TRPV4: variants seen among roughly 807,000 people sequenced by gnomAD.
The protein encoded by TRPV4 is transient receptor potential cation channel subfamily V member 4.
Under a neutral mutation model 84.1 loss-of-function variants are expected in TRPV4, and 58 were observed. That is an observed-to-expected ratio of 0.69 (90% CI 0.56 to 0.86). TRPV4 has a LOEUF of 0.86. Among genes scored for constraint, TRPV4 ranks in the 40% least tolerant of loss-of-function variants. The pLI is 0.00. For missense variants in TRPV4, 879 were observed against 1,181.1 expected, an observed-to-expected ratio of 0.74 and a Z score of 3.75; for synonymous variants, 489 against 500.9, an observed-to-expected ratio of 0.98 and a Z score of 0.32.
chr12:109,798,069 T>C lies in TRPV4; in HGVS notation c.1152+545A>G, dbSNP rs1374106132. On this transcript the variant is annotated intron_variant, in intron 6 of 15. Transcript: ENST00000261740. The surrounding 1 kb of genome is among the most constrained non-coding windows in gnomAD (Gnocchi z 5.0). ...TGCCCCCCAGAGGACAATTCAGCAA[T>C]GTTCTGGAGATATTTTTGGTGGTCA... 6.6e-6 allele frequency among the ~76,000 whole-genome samples: 1 copy of C among 152,144 alleles called. No homozygotes were observed. The highest frequency in any genetic ancestry group is 1.5e-5 in the Non-Finnish European group (1 of 68,024).
At chr12:109,828,671 G>A (rs1315031697) in intron 1 of TRPV4, among the ~76,000 whole-genome samples, 1 of 152,208 alleles carries the variant, frequency 6.6e-6, no homozygotes, top group East Asian at 1.9e-4. Context: ...AGGTGGGTGA[G>A]CCTAGCGTAG....
rs369811541 is a variant in TRPV4, at chr12:109,798,650, C to T, written c.1116G>A (p.Ser372=). 27 of 1,612,658 alleles carry T rather than the reference C, an allele frequency of 1.7e-5. No homozygotes were observed. The African/African-American group carries it at 2.8e-4, about 17-fold the overall frequency. ...CCGTCTTGGCAGCCATCATGAGGGG[C>T]GAGAGGCCGTCGTTGTTGAGCACGG... ...LEAVLNNDGL[S]PLMMAAKTGK... The change falls in exon 6 of 16, where the codon TCG becomes TCA. Residue 372 remains serine (S), a synonymous_variant. Transcript: ENST00000261740. This position sits in a 1 kb window ranked among gnomAD's most constrained non-coding sequence, Gnocchi z 5.0.
intron 2 of TRPV4, among the ~76,000 whole-genome samples, chr12:109,811,710 A>T (rs190090278): frequency 6.6e-6 from 1 of 152,032 alleles, no homozygotes; most frequent in East Asian, 1.9e-4. Flanking sequence ...ACTGTGAATA[A>T]ATAAAGGGGG....
chr12:109,788,795 G>T, intron 12 of TRPV4, 79 bp from the exon 13 acceptor site: 1 of 1,551,996 alleles, frequency 6.4e-7, no homozygotes, highest in Non-Finnish European at 8.9e-7. Flanking sequence ...TCATTTGCTG[G>T]AGGAGAAAGC....
chr12:109,785,965 A>T (rs1372949839), intron 14 of TRPV4, among the ~76,000 whole-genome samples: 1 of 152,104 alleles, frequency 6.6e-6, no homozygotes, highest in East Asian at 1.9e-4. Context: ...GTCAGCTATG[A>T]TCACACCACT....
intron 14 of TRPV4, 101 bp from the exon 15 acceptor site, chr12:109,784,538 T>C: frequency 1.3e-6 from 2 of 1,575,728 alleles, no homozygotes; most frequent in South Asian, 1.1e-5. Context: ...TGGTAACATA[T>C]ACATAACAAG....
At chr12:109,784,961 T>C (rs1269420691) in intron 14 of TRPV4, among the ~76,000 whole-genome samples, 3 of 151,886 alleles carry the variant, frequency 2.0e-5, no homozygotes, top group South Asian at 2.1e-4. Flanking sequence ...CACATCCACA[T>C]TGTGTGACCA....
intron 1 of TRPV4, among the ~76,000 whole-genome samples, chr12:109,820,109 G>A (rs1236308827): frequency 6.6e-6 from 1 of 152,136 alleles, no homozygotes; most frequent in East Asian, 1.9e-4. Flanking sequence ...TGCTAGACTA[G>A]GGACACAGAT....
intron 15 of TRPV4, 21 bp downstream of exon 15, chr12:109,784,295 C>T (rs543628136): frequency 9.9e-6 from 16 of 1,614,024 alleles, no homozygotes; most frequent in Admixed American, 3.3e-5. Context: ...GGCTCCCCTC[C>T]GCACCCGCCC....
At position 109,803,002 on chromosome 12, in the gene TRPV4, A is replaced by G. The variant is rs1555208627; in HGVS notation, c.701T>C (p.Ile234Thr). ...GCCCGGGGCCCCACCTCGATAGTAG[A>G]TGTCACGGAAGGGCGAGTTAATGAA... Reference protein sequence around the residue: ...REFINSPFRDIYYRGQTALHI... With the variant: ...REFINSPFRDTYYRGQTALHI... The change falls in exon 4 of 16, where the codon ATC becomes ACC. Residue 234 changes from isoleucine to threonine, a missense_variant. Physicochemically the swap from Ile to Thr is moderately conservative, Grantham distance 89. Around this residue, in one of 4 missense-constraint regions of TRPV4, gnomAD observed 521 missense variants for 686.6 expected, o/e 0.76. Coordinates refer to ENST00000261740, the MANE Select transcript of TRPV4 (RefSeq NM_021625.5). 6.2e-7 allele frequency: 1 copy of G among 1,613,992 alleles called. No individual in the cohort carries two copies. Among genetic ancestry groups the G allele is most frequent in the South Asian group, 1.1e-5 (1 of 91,086 alleles).
chr12:109,831,117 C>T (rs1892397260), intron 1 of TRPV4, among the ~76,000 whole-genome samples: 2 of 138,136 alleles, frequency 1.4e-5, no homozygotes, highest in Non-Finnish European at 3.2e-5. Flanking sequence ...CTGTCTGATC[C>T]CTCACCCTTT....
intron 1 of TRPV4, among the ~76,000 whole-genome samples, chr12:109,824,118 G>A (rs1384860271): frequency 3.3e-5 from 5 of 151,878 alleles, no homozygotes; most frequent in East Asian, 1.9e-4. Flanking sequence ...GGTGCCCACC[G>A]CTGCGCCAGC....
chr12:109,798,986 G>A lies in TRPV4; in HGVS notation c.854-74C>T. ...GGGACTCTGCCTGCAGACACTCGGGGGACGGACACCGTGGCGCTCTGAGGA... is the reference window on the plus strand; with the variant it reads ...GGGACTCTGCCTGCAGACACTCGGGAGACGGACACCGTGGCGCTCTGAGGA... On this transcript the variant is annotated intron_variant, in intron 5 of 15. Transcript: ENST00000261740. This position sits in a 1 kb window ranked among gnomAD's most constrained non-coding sequence, Gnocchi z 5.0. The A allele has an allele frequency of 7.0e-7, 1 of 1,422,480 alleles. No individual in the cohort carries two copies. The highest frequency in any genetic ancestry group is 2.3e-5 in the East Asian group (1 of 43,766). The allele number at this position is 1,422,480 out of a possible 1,614,324, so 88.1% of individuals were successfully genotyped here. A position where few individuals can be genotyped will look rare whatever the true frequency, so the allele number is the denominator to read the frequency against.
At chr12:109,820,214 T>C (rs1462409847) in intron 1 of TRPV4, among the ~76,000 whole-genome samples, 3 of 152,056 alleles carry the variant, frequency 2.0e-5, no homozygotes, top group Non-Finnish European at 4.4e-5. Context: ...TGTCGGATGG[T>C]GTTAAGAACT....
intron 7 of TRPV4, among the ~76,000 whole-genome samples, chr12:109,795,489 T>C (rs1371325993): frequency 6.6e-6 from 1 of 152,226 alleles, no homozygotes; most frequent in Non-Finnish European, 1.5e-5. Flanking sequence ...TCCATTTTTA[T>C]AGCTTCCTAG....
intron 3 of TRPV4, 69 bp downstream of exon 3, chr12:109,808,227 G>A: frequency 6.3e-7 from 1 of 1,583,318 alleles, no homozygotes; most frequent in South Asian, 1.1e-5. Flanking sequence ...GGGGAAAGGG[G>A]GCCCCCAATG....
At chr12:109,832,470 A>G (rs918169185) in intron 1 of TRPV4, 1 of 152,318 alleles carries the variant, frequency 6.6e-6, no homozygotes, top group Non-Finnish European at 1.5e-5. Context: ...TTAGAAGCTG[A>G]GCCAGAACAG....
At chr12:109,792,870 G>C (rs1256834422) in intron 10 of TRPV4, 53 bp from the exon 11 acceptor site, 1 of 1,594,628 alleles carries the variant, frequency 6.3e-7, no homozygotes, top group African/African-American at 1.3e-5. Flanking sequence ...GGGACAATGA[G>C]GCTCTGGAGG....
intron 1 of TRPV4, among the ~76,000 whole-genome samples, chr12:109,822,026 G>T (rs1592871838): frequency 6.6e-6 from 1 of 152,082 alleles, no homozygotes; most frequent in Non-Finnish European, 1.5e-5. Context: ...GCAGAGCAAG[G>T]GCAGCCAGAA....
Sources: gnomAD v4.1 joint callset for allele counts (sites outside exome capture counted in the v4.1 genomes callset) on GRCh38, gnomAD v4.1.1 for gene constraint, gnomAD v4.1.1 regional missense constraint, Gnocchi (gnomAD v3.1) non-coding constraint, MANE v1.5 for transcripts, NCBI Gene and HGNC (gene_info 2026-07-23, HGNC 2026-07-21) for gene names.